NOD1: variants seen among roughly 807,000 people sequenced by gnomAD.
NOD1 encodes nucleotide-binding oligomerization domain-containing protein 1.
In NOD1, 70 loss-of-function variants were observed where a neutral mutation model predicts 81.2. That is an observed-to-expected ratio of 0.86 (90% CI 0.71 to 1.05). The LOEUF (loss-of-function observed/expected upper bound fraction) is 1.05, where lower values mean the gene tolerates loss of function less well. Among genes scored for constraint, NOD1 ranks in the 50% least tolerant of loss-of-function variants. NOD1 has a pLI of 0.00. For missense variants in NOD1, 1,233 were observed against 1,228.0 expected, an observed-to-expected ratio of 1.00 and a Z score of -0.06; for synonymous variants, 508 against 526.9, an observed-to-expected ratio of 0.96 and a Z score of 0.49.
At chr7:30,439,171 G>A (rs1583693333) in intron 9 of NOD1, among the ~76,000 whole-genome samples, 1 of 152,186 alleles carries the variant, frequency 6.6e-6, no homozygotes, top group South Asian at 2.1e-4. Flanking sequence ...ACAGTATGAT[G>A]ATTCTTCAAA....
chr7:30,425,786 T>G, intron 13 of NOD1, 76 bp from the exon 14 acceptor site: 1 of 961,050 alleles, frequency 1.0e-6, no homozygotes, highest in Non-Finnish European at 1.7e-6. Context: ...CAAGGTGTGT[T>G]CATAGCACAC....
At chr7:30,432,705 G>C (rs530046436) in intron 12 of NOD1, among the ~76,000 whole-genome samples, 6 of 152,304 alleles carry the variant, frequency 3.9e-5, no homozygotes, top group African/African-American at 1.2e-4. Context: ...CCCATCAACT[G>C]ATTAATAAAC....
At chr7:30,439,414 C>G (rs1338502361) in intron 9 of NOD1, among the ~76,000 whole-genome samples, 2 of 140,132 alleles carry the variant, frequency 1.4e-5, no homozygotes, top group African/African-American at 6.1e-5. Context: ...GTGCGCGAGC[C>G]GAAGCAGGGC....
chr7:30,430,226 G>T (rs1783823898), intron 12 of NOD1, among the ~76,000 whole-genome samples: 1 of 152,256 alleles, frequency 6.6e-6, no homozygotes, highest in Admixed American at 6.5e-5. Context: ...TTCTCATGGG[G>T]CTCAGTGGAA....
chr7:30,469,833 C>G (rs1245687181), intron 1 of NOD1, among the ~76,000 whole-genome samples: 1 of 152,254 alleles, frequency 6.6e-6, no homozygotes, highest in African/African-American at 2.4e-5. Context: ...GGCTGCGAGA[C>G]AGTTGCTTCT....
At chr7:30,437,805 C>G in intron 9 of NOD1, 149 bp from the exon 10 acceptor site, 1 of 572,672 alleles carries the variant, frequency 1.7e-6, no homozygotes, top group Non-Finnish European at 3.0e-6. Flanking sequence ...GACACTAATT[C>G]CTCACACTGG....
chr7:30,454,027 T>C (rs912179218), intron 5 of NOD1, among the ~76,000 whole-genome samples: 1 of 152,210 alleles, frequency 6.6e-6, no homozygotes, highest in East Asian at 1.9e-4. Flanking sequence ...TTTCTTTTTT[T>C]TTCATGGGGG....
At chr7:30,469,663 T>C (rs1249199943) in intron 1 of NOD1, among the ~76,000 whole-genome samples, 1 of 149,400 alleles carries the variant, frequency 6.7e-6, no homozygotes, top group Non-Finnish European at 1.5e-5. Context: ...CTGTTCAGAG[T>C]GCACAGAGAG....
At chr7:30,426,769 T>G (rs760074723) in intron 13 of NOD1, among the ~76,000 whole-genome samples, 1 of 152,118 alleles carries the variant, frequency 6.6e-6, no homozygotes, top group Non-Finnish European at 1.5e-5. Context: ...CACAGCAGCT[T>G]CTGGCAGTTC....
Position 30,462,775 on chromosome 7 carries a change from C to T in NOD1, c.-351-2734G>A, listed in dbSNP as rs187510346. Among the ~76,000 whole-genome samples the T allele has an allele frequency of 3.6e-4, 54 of 151,912 alleles. 1 individual carries two copies. The East Asian group carries it at 0.01, about 29-fold the overall frequency. Reference sequence around the variant, plus strand: ...ACCAGCCTGGCCAACATTGTGAAACCCTGTCTCCACGAAAAATACAAAAAT... The same window carrying T: ...ACCAGCCTGGCCAACATTGTGAAACTCTGTCTCCACGAAAAATACAAAAAT... On this transcript the variant is annotated intron_variant, in intron 1 of 13. Transcript: ENST00000222823.
At chr7:30,426,060 C>T (rs1004827956) in intron 13 of NOD1, among the ~76,000 whole-genome samples, 2 of 152,102 alleles carry the variant, frequency 1.3e-5, no homozygotes, top group African/African-American at 4.8e-5. Context: ...TGGTTATATG[C>T]GCTGATTTTT....
chr7:30,450,490 G>C (rs1422013928), intron 6 of NOD1, among the ~76,000 whole-genome samples: 1 of 152,158 alleles, frequency 6.6e-6, no homozygotes, highest in East Asian at 1.9e-4. Context: ...ATTTTACATA[G>C]GAAATGCTAA....
In NOD1 at chr7:30,436,127, A is replaced by G. The variant is rs758958205; in HGVS notation, c.2538-46T>C. 4 of 1,440,338 alleles carry G rather than the reference A, an allele frequency of 2.8e-6. No individual in the cohort carries two copies. The South Asian group carries it at 4.6e-5, about 17-fold the overall frequency. The allele number at this position is 1,440,338 out of a possible 1,614,324, so 89.2% of individuals were successfully genotyped here. On this transcript the variant is annotated intron_variant, in intron 10 of 13. Coordinates refer to ENST00000222823, the MANE Select transcript of NOD1 (RefSeq NM_006092.4). ...GGTGAATTATTAAAGACACATCTAC[A>G]TTCAATCTTAGCTTCAACATCAGAA...
At chr7:30,429,335 T>A (rs1424836703) in intron 13 of NOD1, 39 bp downstream of exon 13, 2 of 1,533,154 alleles carry the variant, frequency 1.3e-6, no homozygotes, top group African/African-American at 2.7e-5. Flanking sequence ...GAGTAAACAG[T>A]CACTGGTGTT....
At chr7:30,455,590 CT>C (rs34626585) in intron 4 of NOD1, among the ~76,000 whole-genome samples, 2,530 of 143,006 alleles carry the variant, frequency 0.018, 57 homozygotes, top group African/African-American at 0.056. Flanking sequence ...TTCTCTACCT[CT>C]TTTTTTTTTT....
intron 13 of NOD1, 108 bp from the exon 14 acceptor site, chr7:30,425,818 C>T: frequency 2.5e-6 from 2 of 789,572 alleles, no homozygotes; most frequent in Non-Finnish European, 2.3e-6. Context: ...ACACAATACA[C>T]ATGTATCCCT....
chr7:30,455,177 G>C lies in NOD1; in HGVS notation c.336C>G (p.Ser112=). The change falls in exon 5 of 14, where the codon TCC becomes TCG. Residue 112 remains serine (S), a synonymous_variant. Transcript: ENST00000222823. The stretch of plus-strand genomic sequence containing the variant: ...CCACGACTTTGCTCTGAGTGAGCAG[G>C]GAAGGGGAGAAGCCGATCTCCAGCA... ...PWLLEIGFSP[S]LLTQSKVVVN... is the part of the protein sequence containing the mutation. 1.9e-6 allele frequency: 3 copies of C among 1,614,118 alleles called. No individual in the cohort carries two copies. Among genetic ancestry groups the C allele is most frequent in the South Asian group, 1.1e-5 (1 of 91,088 alleles).
chr7:30,451,784 G>C lies in NOD1; in HGVS notation c.1633C>G (p.Gln545Glu). 6.2e-7 allele frequency: 1 copy of C among 1,613,794 alleles called. No individual in the cohort carries two copies. Among genetic ancestry groups the C allele is most frequent in the Non-Finnish European group, 8.5e-7 (1 of 1,179,996 alleles). ...VGTQELLRFF[Q>E]EWMPPAGAAT... is the part of the protein sequence containing the mutation. ...GCCCCCGCAGGGGGCATCCACTCCT[G>C]GAAGAACCTGAGCAGCTCCTGAGTG... The change falls in exon 6 of 14, where the codon CAG (glutamine) becomes GAG (glutamate). Residue 545 changes from glutamine to glutamate, a missense_variant. Gln to Glu is a conservative substitution (Grantham distance 29). Coordinates refer to ENST00000222823, the MANE Select transcript of NOD1 (RefSeq NM_006092.4). The surrounding 1 kb of genome is among the most constrained non-coding windows in gnomAD (Gnocchi z 4.2).
intron 12 of NOD1, 100 bp downstream of exon 12, chr7:30,432,996 G>T: frequency 2.3e-6 from 2 of 880,788 alleles, no homozygotes; most frequent in Non-Finnish European, 3.6e-6. Flanking sequence ...CCTCTGAATT[G>T]TATACTTTAA....
Sources: gnomAD v4.1 joint callset for allele counts (sites outside exome capture counted in the v4.1 genomes callset) on GRCh38, gnomAD v4.1.1 for gene constraint, Gnocchi (gnomAD v3.1) non-coding constraint, MANE v1.5 for transcripts, NCBI Gene and HGNC (gene_info 2026-07-23, HGNC 2026-07-21) for gene names.